RBPJ: variants seen among roughly 807,000 people sequenced by gnomAD.
RBPJ encodes recombining binding protein suppressor of hairless.
A neutral mutation model predicts 67.8 loss-of-function variants in RBPJ; 9 were observed. The ratio of observed to expected loss-of-function variants is 0.13; its 90% confidence interval spans 0.08 to 0.23. The LOEUF (loss-of-function observed/expected upper bound fraction) is 0.23, where lower values mean the gene tolerates loss of function less well. Among genes scored for constraint, RBPJ ranks in the 10% least tolerant of loss-of-function variants. The pLI, the probability that RBPJ is intolerant of heterozygous loss-of-function variation, is 1.00. For missense variants in RBPJ, 305 were observed against 595.6 expected (o/e 0.51, Z 5.08); for synonymous variants, 198 against 203.3 (o/e 0.97, Z 0.22).
chr4:26,167,367 T>C (rs1379710092), intron 1 of RBPJ, among the ~76,000 whole-genome samples: 3 of 151,530 alleles, frequency 2.0e-5, no homozygotes, highest in African/African-American at 7.3e-5. Flanking sequence ...GTTCTTCCAT[T>C]TGTTTGTATC....
At chr4:26,342,322 C>T (rs1725627385) in intron 1 of RBPJ, among the ~76,000 whole-genome samples, 2 of 149,580 alleles carry the variant, frequency 1.3e-5, no homozygotes, top group African/African-American at 2.5e-5. Flanking sequence ...TCTCTAGTTG[C>T]ATTAGACCTT....
At chr4:26,362,937 C>T (rs963467959) in intron 1 of RBPJ, among the ~76,000 whole-genome samples, 2 of 152,042 alleles carry the variant, frequency 1.3e-5, no homozygotes, top group African/African-American at 4.8e-5. Context: ...ATGTATTACT[C>T]TGTAATTATC....
chr4:26,165,046 A>G lies in RBPJ; in HGVS notation c.-167+1432A>G, dbSNP rs567462353. 3.9e-5 allele frequency among the ~76,000 whole-genome samples: 6 copies of G among 152,326 alleles called. No homozygotes were observed. The East Asian group carries it at 1.2e-3, about 29-fold the overall frequency. On this transcript the variant is annotated intron_variant, in intron 1 of 4. Transcript: ENST00000512351. ...AGCTAGTATAGTATTTAACTACAGTATAATATTATACTGTATTGAACTAGT... is the reference window on the plus strand; with the variant it reads ...AGCTAGTATAGTATTTAACTACAGTGTAATATTATACTGTATTGAACTAGT...
intron 1 of RBPJ, among the ~76,000 whole-genome samples, chr4:26,218,031 C>G (rs917625595): frequency 1.3e-5 from 2 of 152,166 alleles, no homozygotes; most frequent in African/African-American, 4.8e-5. Context: ...GACCGTCTTG[C>G]TAGGAGCAAT....
At chr4:26,164,056 T>C (rs572701749) in intron 1 of RBPJ, among the ~76,000 whole-genome samples, 1 of 152,268 alleles carries the variant, frequency 6.6e-6, no homozygotes, top group African/African-American at 2.4e-5. Context: ...TTAGATGTTT[T>C]CTTTTAAATA....
chr4:26,398,016 C>T (rs1732322367), intron 2 of RBPJ, among the ~76,000 whole-genome samples: 1 of 151,980 alleles, frequency 6.6e-6, no homozygotes, highest in Non-Finnish European at 1.5e-5. Flanking sequence ...ATGACTGTGG[C>T]CTATTGTGTT....
intron 1 of RBPJ, chr4:26,362,689 C>A (rs371507666): frequency 1.1e-5 from 15 of 1,332,494 alleles, no homozygotes; most frequent in Non-Finnish European, 1.6e-5. Flanking sequence ...ACTCATGATT[C>A]TGTATTTAGT....
chr4:26,370,024 C>A (rs144655285), intron 1 of RBPJ, among the ~76,000 whole-genome samples: 1 of 152,094 alleles, frequency 6.6e-6, no homozygotes, highest in African/African-American at 2.4e-5. Context: ...ATCTGACCAA[C>A]AAGGATCAAG....
intron 1 of RBPJ, among the ~76,000 whole-genome samples, chr4:26,243,094 G>A (rs1719704304): frequency 6.6e-6 from 1 of 152,106 alleles, no homozygotes; most frequent in South Asian, 2.1e-4. Flanking sequence ...GGGCATGGTG[G>A]CCGGCGCCTG....
chr4:26,288,368 G>A (rs771308164), intron 1 of RBPJ, among the ~76,000 whole-genome samples: 4 of 152,212 alleles, frequency 2.6e-5, no homozygotes, highest in Non-Finnish European at 4.4e-5. Context: ...AGAGTCTTCA[G>A]TTGCTTATCA....
In RBPJ at chr4:26,386,394, G is replaced by T; in HGVS notation, c.59+3G>T. On this transcript the variant is annotated splice_donor_region_variant and intron_variant, in intron 2 of 10. Coordinates refer to ENST00000355476, the MANE Select transcript of RBPJ (RefSeq NM_015874.6). ...CCTCCACCTAAACGACTTACTAGGT[G>T]AGTATTATATTAGTCAGCTTTTTAC... 6.3e-7 allele frequency: 1 copy of T among 1,587,416 alleles called. No homozygotes were observed. The highest frequency in any genetic ancestry group is 1.1e-5 in the South Asian group (1 of 87,010).
chr4:26,168,231 T>G (rs1460897619), intron 1 of RBPJ, among the ~76,000 whole-genome samples: 1 of 152,228 alleles, frequency 6.6e-6, no homozygotes, highest in East Asian at 1.9e-4. Flanking sequence ...TTTCCATGTT[T>G]AATGCTTCCT....
intron 1 of RBPJ, among the ~76,000 whole-genome samples, chr4:26,382,954 A>C (rs535039537): frequency 5.9e-5 from 9 of 152,338 alleles, no homozygotes; most frequent in African/African-American, 2.2e-4. Flanking sequence ...TAATGAGATA[A>C]ATAGGAATGT....
At chr4:26,109,513 T>TATATATAC in the RBPJ span, among the ~76,000 whole-genome samples, 7 of 47,492 alleles carry the variant, frequency 1.5e-4, 1 homozygote, top group African/African-American at 3.4e-4. Flanking sequence ...TATATATATA[T>TATATATAC]ACACACACAC....
At chr4:26,219,554 C>G (rs931707209) in intron 1 of RBPJ, among the ~76,000 whole-genome samples, 1 of 152,144 alleles carries the variant, frequency 6.6e-6, no homozygotes, top group Admixed American at 6.5e-5. Flanking sequence ...AGAACTGAGT[C>G]GAGCATCCGA....
chr4:26,312,442 C>T (rs1053103331), intron 1 of RBPJ, among the ~76,000 whole-genome samples: 8 of 152,178 alleles, frequency 5.3e-5, no homozygotes, highest in Non-Finnish European at 1.2e-4. Context: ...CCAGGGCCTT[C>T]TTATGACCCT....
chr4:26,138,399 G>A, the RBPJ span, among the ~76,000 whole-genome samples: 1 of 151,404 alleles, frequency 6.6e-6, no homozygotes, highest in Non-Finnish European at 1.5e-5. Flanking sequence ...GAGCAGGGAT[G>A]AAAAGAGGAG....
chr4:26,295,248 G>A (rs1270778580), intron 1 of RBPJ, among the ~76,000 whole-genome samples: 3 of 146,328 alleles, frequency 2.1e-5, no homozygotes, highest in Non-Finnish European at 4.5e-5. Flanking sequence ...GTGCATCAGT[G>A]TGTGTGTGTG....
chr4:26,130,831 T>C, the RBPJ span, among the ~76,000 whole-genome samples: 1 of 152,244 alleles, frequency 6.6e-6, no homozygotes, highest in Non-Finnish European at 1.5e-5. Flanking sequence ...TCTCACATGA[T>C]TTTTAAAAAT....
Sources: gnomAD v4.1 joint callset for allele counts (sites outside exome capture counted in the v4.1 genomes callset) on GRCh38, gnomAD v4.1.1 for gene constraint, MANE v1.5 for transcripts, NCBI Gene and HGNC (gene_info 2026-07-23, HGNC 2026-07-21) for gene names.